The following FHOD3 variants were observed in gnomAD, a reference collection of about 807,000 sequenced individuals.
FHOD3 encodes the protein formin homology 2 domain containing 3.
FHOD3 carries 90 observed loss-of-function variants against 173.0 expected under a neutral mutation model. The observed-to-expected ratio is 0.52, with a 90% CI of 0.44 to 0.62. FHOD3 has a LOEUF of 0.62. Among genes scored for constraint, FHOD3 ranks in the 20% least tolerant of loss-of-function variants. The pLI, the probability that FHOD3 is intolerant of heterozygous loss-of-function variation, is 0.00. For missense variants in FHOD3, 1,945 were observed against 2,034.7 expected (o/e 0.96, Z 0.85); for synonymous variants, 828 against 823.0 (o/e 1.01, Z -0.10).
At chr18:36,608,303 C>A (rs1052945417) in intron 8 of FHOD3, among the ~76,000 whole-genome samples, 2 of 152,212 alleles carry the variant, frequency 1.3e-5, no homozygotes, top group Admixed American at 6.5e-5. Context: ...TGTGCTATCC[C>A]GTAGTGGGAT....
intron 3 of FHOD3, among the ~76,000 whole-genome samples, chr18:36,418,606 CTT>C (rs1187213130): frequency 6.6e-6 from 1 of 152,150 alleles, no homozygotes; most frequent in Non-Finnish European, 1.5e-5. Flanking sequence ...AGGTTGAATT[CTT>C]TTTATCAAAA....
chr18:36,482,858 C>CAGAGAGAG (rs138052316), intron 3 of FHOD3, among the ~76,000 whole-genome samples: 26 of 130,450 alleles, frequency 2.0e-4, no homozygotes, highest in African/African-American at 5.0e-4. Flanking sequence ...CACACACACA[C>CAGAGAGAG]AGAGAGAGAG....
At chr18:36,441,104 C>CT (rs1447795938) in intron 3 of FHOD3, among the ~76,000 whole-genome samples, 7 of 152,146 alleles carry the variant, frequency 4.6e-5, no homozygotes, top group Non-Finnish European at 8.8e-5. Context: ...AGGATAGTCT[C>CT]TTCCTTTCTC....
intron 1 of FHOD3, among the ~76,000 whole-genome samples, chr18:36,330,367 A>C (rs1409895135): frequency 6.6e-6 from 1 of 152,228 alleles, no homozygotes; most frequent in East Asian, 1.9e-4. Flanking sequence ...CATTCTGAGC[A>C]CTGTCGAGTG....
rs544210317 is a variant in FHOD3 at position 36,440,767 on chromosome 18, T to C, written c.338-61165T>C. Among the ~76,000 whole-genome samples, 4 of 152,346 alleles carry C rather than the reference T, an allele frequency of 2.6e-5. No individual in the cohort carries two copies. In the East Asian group the frequency reaches 5.8e-4, roughly 22 times the overall value. ...ATAATCAACATAGTTCACATGCTTG[T>C]CATTTTTAAATGGCTCAGTAGTCGC... On this transcript the variant is annotated intron_variant, in intron 3 of 28. Transcript: ENST00000590592.
At chr18:36,524,426 C>A (rs937719996) in intron 5 of FHOD3, among the ~76,000 whole-genome samples, 17 of 152,086 alleles carry the variant, frequency 1.1e-4, no homozygotes. Flanking sequence ...GCGTAGGAGA[C>A]AATGGTGAGC....
At chr18:36,578,965 G>T (rs1398585614) in intron 6 of FHOD3, among the ~76,000 whole-genome samples, 6 of 152,098 alleles carry the variant, frequency 3.9e-5, no homozygotes, top group Admixed American at 3.9e-4. Flanking sequence ...AAAATGTTTG[G>T]CTTTGTTTTC....
At position 36,649,179 on chromosome 18, in the gene FHOD3, G is replaced by GT. The variant is rs34031986; in HGVS notation, c.1197-125dup. ...TTTCTTCATTTCAGCCAGCTGGGTG[G>GT]TTTTTTTTTTTTAATTATTATTATT... is the stretch of plus-strand genomic sequence containing the variant. On this transcript the variant is annotated intron_variant, in intron 10 of 28. Transcript: ENST00000590592. 0.17 allele frequency: 79,860 copies of GT among 477,182 alleles called. 2,047 individuals are homozygous for GT. The highest frequency in any genetic ancestry group is 0.2 in the Non-Finnish European group (56,772 of 279,690). 29.6% of individuals were successfully genotyped at this position (477,182 alleles called of 1,614,324 possible).
chr18:36,612,205 T>C, intron 9 of FHOD3, 110 bp downstream of exon 9: 8 of 1,192,090 alleles, frequency 6.7e-6, no homozygotes, highest in Non-Finnish European at 9.3e-6. Context: ...CACCAGCTTA[T>C]TAGAAACTCA....
At chr18:36,505,600 T>G (rs2055262445) in intron 4 of FHOD3, among the ~76,000 whole-genome samples, 1 of 152,164 alleles carries the variant, frequency 6.6e-6, no homozygotes, top group South Asian at 2.1e-4. Context: ...ACAGGGTGAT[T>G]GAAGAAATTT....
At chr18:36,307,796 A>G (rs2092143092) in intron 1 of FHOD3, among the ~76,000 whole-genome samples, 1 of 152,248 alleles carries the variant, frequency 6.6e-6, no homozygotes, top group South Asian at 2.1e-4. Flanking sequence ...TTCCTGTCAC[A>G]GAATGAACAC....
chr18:36,674,270 C>T (rs1265310560), intron 14 of FHOD3, among the ~76,000 whole-genome samples: 1 of 152,256 alleles, frequency 6.6e-6, no homozygotes, highest in African/African-American at 2.4e-5. Flanking sequence ...GTGACAGCCT[C>T]ATGACTAGAA....
chr18:36,648,070 G>T (rs2035808757), intron 10 of FHOD3, among the ~76,000 whole-genome samples: 1 of 152,240 alleles, frequency 6.6e-6, no homozygotes, highest in Non-Finnish European at 1.5e-5. Flanking sequence ...TGCCTGGAGT[G>T]AGACATGGTG....
At chr18:36,468,926 A>G (rs2053115781) in intron 3 of FHOD3, among the ~76,000 whole-genome samples, 1 of 152,140 alleles carries the variant, frequency 6.6e-6, no homozygotes, top group Admixed American at 6.5e-5. Flanking sequence ...TACAACAGAC[A>G]AGGCTGAGCC....
At chr18:36,339,658 G>A (rs112037004) in intron 1 of FHOD3, among the ~76,000 whole-genome samples, 2 of 152,274 alleles carry the variant, frequency 1.3e-5, no homozygotes, top group African/African-American at 4.8e-5. Context: ...CAGGGGCCTG[G>A]GTGCAGGTGC....
chr18:36,765,493 TA>T (rs2043102778), intron 27 of FHOD3, among the ~76,000 whole-genome samples: 1 of 152,112 alleles, frequency 6.6e-6, no homozygotes, highest in South Asian at 2.1e-4. Flanking sequence ...GAAAAATAGA[TA>T]ATAGCAGCAG....
intron 6 of FHOD3, among the ~76,000 whole-genome samples, chr18:36,593,816 C>A (rs1463089887): frequency 6.6e-6 from 1 of 152,216 alleles, no homozygotes; most frequent in Non-Finnish European, 1.5e-5. Context: ...TAAGCCCCCT[C>A]AAAGCGCATT....
chr18:36,519,954 C>A (rs1312770781), intron 5 of FHOD3, among the ~76,000 whole-genome samples: 1 of 50,260 alleles, frequency 2.0e-5, no homozygotes, highest in South Asian at 7.7e-4. Flanking sequence ...GCTTTTCTTT[C>A]ATTTTTTTTT....
intron 9 of FHOD3, among the ~76,000 whole-genome samples, chr18:36,624,511 G>A (rs2033948609): frequency 6.6e-6 from 1 of 152,152 alleles, no homozygotes. Flanking sequence ...TGGATAAGGA[G>A]CAGAGCTGGG....
Sources: gnomAD v4.1 joint callset for allele counts (sites outside exome capture counted in the v4.1 genomes callset) on GRCh38, gnomAD v4.1.1 for gene constraint, MANE v1.5 for transcripts, NCBI Gene and HGNC (gene_info 2026-07-23, HGNC 2026-07-21) for gene names.